ZGRF1: variants seen among roughly 807,000 people sequenced by gnomAD.
The protein encoded by ZGRF1 is zinc finger GRF-type containing 1.
Under a neutral mutation model 203.5 loss-of-function variants are expected in ZGRF1, and 196 were observed. The ratio of observed to expected loss-of-function variants is 0.96; its 90% CI spans 0.86 to 1.08. The LOEUF (loss-of-function observed/expected upper bound fraction) is 1.08. ZGRF1 is among the 50% of genes least tolerant of loss of function. The pLI, the probability that ZGRF1 is intolerant of heterozygous loss-of-function variation, is 0.00. For synonymous variants in ZGRF1, 809 were observed against 841.3 expected, an observed-to-expected ratio of 0.96 and a Z score of 0.66; for missense variants, 2,326 against 2,416.3, an observed-to-expected ratio of 0.96 and a Z score of 0.78.
intron 16 of ZGRF1, among the ~76,000 whole-genome samples, chr4:112,566,546 T>C (rs937283457): frequency 6.6e-6 from 1 of 151,524 alleles, no homozygotes; most frequent in African/African-American, 2.4e-5. Flanking sequence ...CTTACTGAAT[T>C]AATAACATAA....
At chr4:112,542,144 C>A (rs555019788) in intron 24 of ZGRF1, among the ~76,000 whole-genome samples, 1 of 152,124 alleles carries the variant, frequency 6.6e-6, no homozygotes, top group East Asian at 1.9e-4. Context: ...GAGTTCAAGA[C>A]CTGCCTGGCA....
At chr4:112,542,848 G>T (rs184772592) in intron 24 of ZGRF1, among the ~76,000 whole-genome samples, 1 of 148,210 alleles carries the variant, frequency 6.7e-6, no homozygotes, top group East Asian at 2.0e-4. Context: ...CAAAGAGTCA[G>T]GATCCTGCTC....
chr4:112,575,186 AT>A (rs776444402), intron 16 of ZGRF1, among the ~76,000 whole-genome samples: 10 of 152,226 alleles, frequency 6.6e-5, no homozygotes, highest in Non-Finnish European at 1.5e-4. Flanking sequence ...TCGACATTAA[AT>A]CAGAGCACAG....
chr4:112,566,680 G>T (rs1388500237), intron 16 of ZGRF1, among the ~76,000 whole-genome samples: 3 of 152,034 alleles, frequency 2.0e-5, no homozygotes, highest in Non-Finnish European at 4.4e-5. Flanking sequence ...TCCTTTCTGT[G>T]GGGAACAGAG....
chr4:112,604,807 A>AT (rs1750530538), intron 9 of ZGRF1, among the ~76,000 whole-genome samples: 1 of 152,114 alleles, frequency 6.6e-6, no homozygotes, highest in Non-Finnish European at 1.5e-5. Flanking sequence ...GGGTTCTAGG[A>AT]TTTTTTACTC....
Position 112,632,828 on chromosome 4 carries a change from G to A in ZGRF1, c.21+328C>T, listed in dbSNP as rs114836141. On this transcript the variant is annotated intron_variant, in intron 2 of 27. Coordinates refer to ENST00000505019, the MANE Select transcript of ZGRF1 (RefSeq NM_018392.5). ...CTTCAAGAGAAAGAAATTGTTTCCC[G>A]GTCTCACACTTTCAAAGATTATGTT... 5.3e-3 allele frequency among the ~76,000 whole-genome samples: 808 copies of A among 152,140 alleles called. 11 individuals carry two copies. The highest frequency in any genetic ancestry group is 0.018 in the African/African-American group (766 of 41,500).
chr4:112,603,414 G>C (rs1257743639), intron 10 of ZGRF1, 110 bp downstream of exon 10: 1 of 621,486 alleles, frequency 1.6e-6, no homozygotes, highest in African/African-American at 1.8e-5. Context: ...TCAATTTACT[G>C]TACTCCTTTT....
chr4:112,605,839 G>T (rs1750691050), intron 9 of ZGRF1, 169 bp downstream of exon 9: 1 of 576,676 alleles, frequency 1.7e-6, no homozygotes, highest in East Asian at 3.1e-5. Context: ...ACCAAAAAGG[G>T]GGGCAGGAGT....
At chr4:112,552,817 C>A (rs1423439761) in intron 22 of ZGRF1, among the ~76,000 whole-genome samples, 1 of 152,180 alleles carries the variant, frequency 6.6e-6, no homozygotes, top group Non-Finnish European at 1.5e-5. Flanking sequence ...CCCTGCCTCA[C>A]TGATGTTAGG....
chr4:112,553,028 G>A (rs992566076), intron 22 of ZGRF1, among the ~76,000 whole-genome samples: 3 of 152,212 alleles, frequency 2.0e-5, no homozygotes, highest in Non-Finnish European at 4.4e-5. Flanking sequence ...AGAGTCATAA[G>A]CTGTTGTCTT....
intron 10 of ZGRF1, among the ~76,000 whole-genome samples, chr4:112,590,442 T>C (rs1390395300): frequency 6.6e-6 from 1 of 152,156 alleles, no homozygotes; most frequent in Non-Finnish European, 1.5e-5. Context: ...ATCAAATATA[T>C]ACACAATATA....
chr4:112,594,391 A>G (rs1360373157), intron 10 of ZGRF1, among the ~76,000 whole-genome samples: 1 of 150,268 alleles, frequency 6.7e-6, no homozygotes, highest in Non-Finnish European at 1.5e-5. Context: ...CTCTTTTTCT[A>G]CTATATTTTC....
intron 20 of ZGRF1, among the ~76,000 whole-genome samples, chr4:112,557,530 G>A (rs1287637809): frequency 6.6e-6 from 1 of 152,144 alleles, no homozygotes; most frequent in Admixed American, 6.5e-5. Context: ...CAGAGACAAA[G>A]GACTTTTACT....
chr4:112,604,788 C>A (rs1475267567), intron 9 of ZGRF1, among the ~76,000 whole-genome samples: 2 of 152,126 alleles, frequency 1.3e-5, no homozygotes, highest in African/African-American at 2.4e-5. Flanking sequence ...TTCTCTGCTG[C>A]CCCCTGGAGG....
At chr4:112,622,838 T>TAA (rs1377774782) in intron 4 of ZGRF1, among the ~76,000 whole-genome samples, 2 of 152,190 alleles carry the variant, frequency 1.3e-5, no homozygotes, top group Non-Finnish European at 2.9e-5. Context: ...TTTTAACCTT[T>TAA]AAGTTCAGGA....
At chr4:112,602,355 T>C (rs528459337) in intron 10 of ZGRF1, among the ~76,000 whole-genome samples, 2 of 152,266 alleles carry the variant, frequency 1.3e-5, no homozygotes, top group East Asian at 1.9e-4. Flanking sequence ...CCCACCAGAA[T>C]AGCTAAAACT....
chr4:112,549,764 G>A (rs1427219624), intron 22 of ZGRF1, among the ~76,000 whole-genome samples: 1 of 151,758 alleles, frequency 6.6e-6, no homozygotes, highest in Non-Finnish European at 1.5e-5. Flanking sequence ...ATTTTAGAAT[G>A]TACTCCTACT....
intron 3 of ZGRF1, chr4:112,629,759 C>CTGTAATACCAGCACT: frequency 6.5e-6 from 1 of 152,844 alleles, no homozygotes; most frequent in South Asian, 2.0e-4. Flanking sequence ...TGGCTCATAC[C>CTGTAATACCAGCACT]TGTAATACCA....
intron 10 of ZGRF1, among the ~76,000 whole-genome samples, chr4:112,595,067 C>T (rs1450476468): frequency 6.6e-6 from 1 of 151,550 alleles, no homozygotes. Flanking sequence ...CATGGTGAAA[C>T]CCCATCTCTA....
Sources: allele counts gnomAD v4.1 joint callset (sites outside exome capture counted in the v4.1 genomes callset), GRCh38; gene constraint gnomAD v4.1.1; transcripts MANE v1.5; gene names NCBI Gene and HGNC (gene_info 2026-07-23, HGNC 2026-07-21).